The following ZMYM6 variants were observed in gnomAD, a reference collection of about 807,000 sequenced individuals.
The protein encoded by ZMYM6 is zinc finger MYM-type protein 6.
ZMYM6 carries 90 observed loss-of-function variants against 134.0 expected under a neutral mutation model. The observed-to-expected ratio is 0.67, with a 90% CI of 0.57 to 0.80. The LOEUF (loss-of-function observed/expected upper bound fraction) is 0.80, where lower values mean the gene tolerates loss of function less well. Among genes scored for constraint, ZMYM6 ranks in the 30% least tolerant of loss-of-function variants. ZMYM6 has a pLI of 0.00. For missense variants in ZMYM6, 1,362 were observed against 1,533.9 expected, an observed-to-expected ratio of 0.89 and a Z score of 1.87; for synonymous variants, 481 against 524.1, an observed-to-expected ratio of 0.92 and a Z score of 1.12.
At chr1:34,988,967 C>T in intron 15 of ZMYM6, 32 bp from the exon 16 acceptor site, 1 of 1,588,674 alleles carries the variant, frequency 6.3e-7, no homozygotes, top group South Asian at 1.2e-5. Flanking sequence ...CTGTTATTTT[C>T]AAGAACAAAT....
chr1:35,012,338 G>A, intron 7 of ZMYM6, 93 bp downstream of exon 7: 2 of 1,143,212 alleles, frequency 1.7e-6, no homozygotes, highest in Non-Finnish European at 2.4e-6. Flanking sequence ...TAACTAAATA[G>A]ATAAATTTAG....
intron 11 of ZMYM6, among the ~76,000 whole-genome samples, chr1:35,007,880 TA>T (rs927882426): frequency 8.1e-5 from 12 of 147,976 alleles, no homozygotes; most frequent in South Asian, 2.1e-4. Flanking sequence ...AAAAAGTAAG[TA>T]AAAAAAAAAT....
intron 14 of ZMYM6, among the ~76,000 whole-genome samples, chr1:34,995,104 CGTAAGTATATAT>C (rs1640758774): frequency 7.4e-6 from 1 of 134,496 alleles, no homozygotes; most frequent in South Asian, 2.2e-4. Context: ...TATGTATATA[CGTAAGTATATAT>C]GTATACATAT....
intron 3 of ZMYM6, 107 bp downstream of exon 3, chr1:35,020,276 A>T: frequency 2.0e-6 from 2 of 982,908 alleles, no homozygotes; most frequent in Non-Finnish European, 2.9e-6. Context: ...GAAAAAACAC[A>T]GCTCTAAAGA....
intron 2 of ZMYM6, among the ~76,000 whole-genome samples, chr1:35,021,834 T>C (rs1272799451): frequency 6.6e-6 from 1 of 152,164 alleles, no homozygotes; most frequent in Admixed American, 6.5e-5. Flanking sequence ...CAAAATGTAA[T>C]CATGAAACAT....
At position 35,015,053 on chromosome 1, in the gene ZMYM6, G is replaced by GT. The variant is rs1557579765; in HGVS notation, c.537dup (p.Pro180ThrfsTer13). The GT allele has an allele frequency of 8.1e-6, 13 of 1,613,882 alleles. No homozygotes were observed. The highest frequency in any genetic ancestry group is 5.9e-6 in the Non-Finnish European group (7 of 1,179,950). ...CTTTTGGTATATATGGTAACAACAGGTTTTTTCTTTAGCTCATAAGATGAC... is the reference window on the plus strand; with the variant it reads ...CTTTTGGTATATATGGTAACAACAGGTTTTTTTCTTTAGCTCATAAGATGAC... On this transcript the variant is annotated frameshift_variant, in exon 5 of 16. Coordinates refer to ENST00000357182, the MANE Select transcript of ZMYM6 (RefSeq NM_007167.4). LOFTEE classifies it high-confidence loss of function.
intron 12 of ZMYM6, among the ~76,000 whole-genome samples, chr1:35,005,884 A>G (rs1176636683): frequency 6.6e-6 from 1 of 152,270 alleles, no homozygotes; most frequent in African/African-American, 2.4e-5. Flanking sequence ...AGATTAGCAC[A>G]AGGCATTTAT....
chr1:35,021,241 A>C (rs957248561), intron 2 of ZMYM6, among the ~76,000 whole-genome samples: 5 of 150,712 alleles, frequency 3.3e-5, no homozygotes, highest in Non-Finnish European at 7.4e-5. Context: ...CCCAGGTTCA[A>C]GCGATTCTCC....
intron 4 of ZMYM6, chr1:35,017,198 C>T (rs1388092129): frequency 6.6e-6 from 1 of 152,160 alleles, no homozygotes; most frequent in Non-Finnish European, 1.5e-5. Flanking sequence ...TCCTGCCTCC[C>T]ATCCTGCACC....
chr1:35,019,551 C>G lies in ZMYM6; in HGVS notation c.230G>C (p.Ser77Thr). 1 of 1,612,726 alleles carries G rather than the reference C, an allele frequency of 6.2e-7. No individual in the cohort carries two copies. The highest frequency in any genetic ancestry group is 8.5e-7 in the Non-Finnish European group (1 of 1,179,694). ...AGCTGGAACTGAAGGAAGCAACACA[C>G]TTGGGCCAGATGATGCAAAAGAAAG... is the stretch of plus-strand genomic sequence containing the variant. ...FQLSFASSGP[S>T]VLLPSVPAVA... is the part of the protein sequence containing the mutation. Residue 77 changes from serine to threonine, a missense_variant, in exon 4 of 16, where the codon AGT (serine) becomes ACT (threonine). Physicochemically the swap from Ser to Thr is moderately conservative, Grantham distance 58 (BLOSUM62 1). Coordinates refer to ENST00000357182, the MANE Select transcript of ZMYM6 (RefSeq NM_007167.4).
rs142081378 is a variant in ZMYM6 at position 34,993,214 on chromosome 1, C to A, written c.1993-827G>T. ...GCAACCTTCGCCTCCCAGGTTCAAG[C>A]AGTTCTTGTGCCTCAGCCTCCTGAG... is the stretch of plus-strand genomic sequence containing the variant. On this transcript the variant is annotated intron_variant, in intron 14 of 15. Coordinates refer to ENST00000357182, the MANE Select transcript of ZMYM6 (RefSeq NM_007167.4). Among the ~76,000 whole-genome samples, 846 of 151,768 alleles carry A rather than the reference C, an allele frequency of 5.6e-3. 6 individuals are homozygous for A. The highest frequency in any genetic ancestry group is 0.019 in the African/African-American group (804 of 41,374).
chr1:35,030,693 T>C lies in ZMYM6; in HGVS notation c.-54A>G. On this transcript the variant is annotated 5_prime_UTR_variant, in exon 2 of 16. Transcript: ENST00000357182. ...AGGCTCAAACGAATAGATTTCTTCTTGGTAATGGATAGTTGGACACCTAAA... is the reference window on the plus strand; with the variant it reads ...AGGCTCAAACGAATAGATTTCTTCTCGGTAATGGATAGTTGGACACCTAAA... 1.3e-6 allele frequency: 2 copies of C among 1,519,084 alleles called. No homozygotes were observed. The highest frequency in any genetic ancestry group is 2.2e-5 in the East Asian group (1 of 44,460). The allele number at this position is 1,519,084 out of a possible 1,614,324, so 94.1% of individuals were successfully genotyped here.
At chr1:34,990,200 G>C (rs539003058) in intron 15 of ZMYM6, 150 of 175,654 alleles carry the variant, frequency 8.5e-4, no homozygotes, top group African/African-American at 3.1e-3. Context: ...ATAGATGATA[G>C]GCCGGCGCGG....
chr1:35,015,743 A>AAAAAAAAAAAT lies in ZMYM6; in HGVS notation c.429-582_429-581insATTTTTTTTTT. On this transcript the variant is annotated intron_variant, in intron 4 of 15. Coordinates refer to ENST00000357182, the MANE Select transcript of ZMYM6 (RefSeq NM_007167.4). ...CATCTCAAAAAAAAAAAAAAAAAAA[A>AAAAAAAAAAAT]ATATATATATATATATATGTGGCCA... Among the ~76,000 whole-genome samples, 152 of 106,412 alleles carry AAAAAAAAAAAT rather than the reference A, an allele frequency of 1.4e-3. 3 individuals are homozygous for AAAAAAAAAAAT. The highest frequency in any genetic ancestry group is 9.6e-3 in the African/African-American group (145 of 15,120). 69.8% of individuals were successfully genotyped at this position (106,412 alleles called of 152,430 possible).
rs190784471 is a variant in ZMYM6, at chr1:35,015,294, C to A, written c.429-132G>T. ...AGAAAAAGGATAAGGAATCTGCAAA[C>A]CTGGGTTTGATGAGTTCTGCTATTT... On this transcript the variant is annotated intron_variant, in intron 4 of 15. Transcript: ENST00000357182. 17 of 864,380 alleles carry A rather than the reference C, an allele frequency of 2.0e-5. No individual in the cohort carries two copies. The East Asian group carries it at 4.6e-4, about 23-fold the overall frequency. 53.5% of individuals were successfully genotyped at this position (864,380 alleles called of 1,614,324 possible).
At chr1:35,031,112 G>A (rs78669479) in intron 1 of ZMYM6, among the ~76,000 whole-genome samples, 9,052 of 152,212 alleles carry the variant, frequency 0.059, 581 homozygotes, top group East Asian at 0.38. Context: ...CTCAAAGAGG[G>A]GCACAACAAC....
chr1:35,019,597 G>T lies in ZMYM6; in HGVS notation c.184C>A (p.Gln62Lys). 1.3e-6 allele frequency: 2 copies of T among 1,588,434 alleles called. No individual in the cohort carries two copies. Among genetic ancestry groups the T allele is most frequent in the South Asian group, 1.2e-5 (1 of 86,054 alleles). Residue 62 changes from glutamine (Q) to lysine (K), a missense_variant, in exon 4 of 16, where the codon CAG becomes AAG. Physicochemically the swap from Gln to Lys is moderately conservative, Grantham distance 53 (BLOSUM62 1). Around this residue, in one of 3 missense-constraint regions of ZMYM6, gnomAD observed 503 missense variants for 520.8 expected, o/e 0.97. Transcript: ENST00000357182. ...GAAAGCTGAAAGCCTGGGTTCAACT[G>T]CTGGGCTATCAAAACAAAATAAAAA... ...SSVNERPIAQ[Q>K]LNPGFQLSFA...
intron 14 of ZMYM6, among the ~76,000 whole-genome samples, chr1:34,995,306 T>C (rs2148444832): frequency 6.7e-6 from 1 of 150,176 alleles, no homozygotes; most frequent in South Asian, 2.1e-4. Context: ...GAAATATGTC[T>C]ACAGGATTGT....
At chr1:35,012,029 A>C (rs756202291) in intron 7 of ZMYM6, 24 bp from the exon 8 acceptor site, 15 of 1,463,664 alleles carry the variant, frequency 1.0e-5, no homozygotes, top group Non-Finnish European at 1.4e-5. Flanking sequence ...AATTAAAAAC[A>C]ATGATTAAGT....
Sources: gnomAD v4.1 joint callset for allele counts (sites outside exome capture counted in the v4.1 genomes callset) on GRCh38, gnomAD v4.1.1 for gene constraint, gnomAD v4.1.1 regional missense constraint, MANE v1.5 for transcripts, NCBI Gene and HGNC (gene_info 2026-07-23, HGNC 2026-07-21) for gene names.